Variants in SETBP1 observed in about 807,000 individuals in gnomAD.
SETBP1 encodes the protein SET binding protein 1, also known as SET-binding protein.
Under a neutral mutation model 101.0 loss-of-function variants are expected in SETBP1, and 9 were observed. That is an observed-to-expected ratio of 0.09 (90% confidence interval 0.05 to 0.16). SETBP1 has a LOEUF of 0.16. Ranked by LOEUF, SETBP1 falls within the 10% of genes least tolerant of loss-of-function variation. The probability of loss-of-function intolerance (pLI) is 1.00; values close to 1 mark genes in which losing one functional copy is unlikely to be tolerated. For synonymous variants in SETBP1, 818 were observed against 788.5 expected, an observed-to-expected ratio of 1.04 and a Z score of -0.63; for missense variants, 1,858 against 2,033.8, an observed-to-expected ratio of 0.91 and a Z score of 1.66.
At chr18:44,994,328 C>A (rs965453865) in intron 4 of SETBP1, among the ~76,000 whole-genome samples, 1 of 151,974 alleles carries the variant, frequency 6.6e-6, no homozygotes, top group Non-Finnish European at 1.5e-5. Flanking sequence ...TCAGGAAAAT[C>A]CAAATTAAAG....
In SETBP1 at chr18:45,022,186, A is replaced by G. The variant is rs116690946; in HGVS notation, c.4001-16299A>G. On this transcript the variant is annotated intron_variant, in intron 4 of 5. Coordinates refer to ENST00000649279, the MANE Select transcript of SETBP1 (RefSeq NM_015559.3). ...CTACATAGACATCCTTCATGACTCC[A>G]TATGACCCACAGGTGAAATTCAAAC... is the stretch of plus-strand genomic sequence containing the variant. Among the ~76,000 whole-genome samples, 264 of 152,268 alleles carry G rather than the reference A, an allele frequency of 1.7e-3. 2 individuals carry two copies. Among genetic ancestry groups the G allele is most frequent in the African/African-American group, 6.2e-3 (256 of 41,546 alleles).
At chr18:44,954,951 T>C (rs1022562680) in intron 4 of SETBP1, among the ~76,000 whole-genome samples, 1 of 152,222 alleles carries the variant, frequency 6.6e-6, no homozygotes, top group African/African-American at 2.4e-5. Flanking sequence ...GAAGATGTTC[T>C]TATTTTTGTA....
intron 2 of SETBP1, among the ~76,000 whole-genome samples, chr18:44,719,945 G>A (rs2069549567): frequency 6.6e-6 from 1 of 152,194 alleles, no homozygotes; most frequent in Non-Finnish European, 1.5e-5. Context: ...GTGAGAAGAT[G>A]TCAAATCTGG....
At chr18:44,861,262 G>A (rs866098114) in intron 2 of SETBP1, among the ~76,000 whole-genome samples, 75 of 113,958 alleles carry the variant, frequency 6.6e-4, no homozygotes, top group African/African-American at 2.5e-3. Flanking sequence ...TTTTTGAGAC[G>A]GAATCTTGCT....
chr18:45,045,005 C>G (rs2073581027), intron 5 of SETBP1, among the ~76,000 whole-genome samples: 1 of 152,246 alleles, frequency 6.6e-6, no homozygotes, highest in East Asian at 1.9e-4. Context: ...GCAGATTGGC[C>G]AGGTGCGGTG....
At chr18:44,847,261 A>G (rs902830528) in intron 2 of SETBP1, among the ~76,000 whole-genome samples, 8 of 152,180 alleles carry the variant, frequency 5.3e-5, no homozygotes, top group Admixed American at 1.3e-4. Flanking sequence ...CTGTTTTCCA[A>G]TGGAGCCAGT....
intron 4 of SETBP1, among the ~76,000 whole-genome samples, chr18:44,970,400 T>C (rs959935558): frequency 1.3e-5 from 2 of 152,244 alleles, no homozygotes; most frequent in Non-Finnish European, 2.9e-5. Flanking sequence ...GCCTGACTCA[T>C]AGAAAATATA....
At chr18:44,966,123 A>T (rs2071715940) in intron 4 of SETBP1, among the ~76,000 whole-genome samples, 2 of 152,246 alleles carry the variant, frequency 1.3e-5, no homozygotes, top group South Asian at 4.1e-4. Context: ...TGGAACGCCT[A>T]TGAAGGCAGC....
chr18:44,840,324 C>A (rs996394372), intron 2 of SETBP1, among the ~76,000 whole-genome samples: 1 of 152,200 alleles, frequency 6.6e-6, no homozygotes, highest in Admixed American at 6.5e-5. Context: ...GCATGACTAC[C>A]CTTGCTAGAT....
At chr18:45,030,710 A>C (rs1193265910) in intron 4 of SETBP1, among the ~76,000 whole-genome samples, 1 of 148,604 alleles carries the variant, frequency 6.7e-6, no homozygotes, top group African/African-American at 2.6e-5. Flanking sequence ...GTCTATTCAG[A>C]GATTCAGCTT....
Position 45,038,587 on chromosome 18 carries a change from A to G in SETBP1, c.4103A>G (p.Asp1368Gly), listed in dbSNP as rs2073446941. 6.2e-7 allele frequency: 1 copy of G among 1,614,080 alleles called. No homozygotes were observed. The highest frequency in any genetic ancestry group is 8.5e-7 in the Non-Finnish European group (1 of 1,180,042). Reference protein sequence around the residue: ...MMTRKKPAAVDSVTIPPAPVL... With the variant: ...MMTRKKPAAVGSVTIPPAPVL... ...ACCAGGAAGAAGCCAGCCGCAGTTG[A>G]CAGTGTTACAATTCCACCAGCCCCA... The change falls in exon 5 of 6, where the codon GAC becomes GGC. Residue 1368 changes from aspartate to glycine, a missense_variant. Physicochemically the swap from Asp to Gly is moderately conservative, Grantham distance 94. Transcript: ENST00000649279.
chr18:45,022,825 A>C (rs1425627535), intron 4 of SETBP1, among the ~76,000 whole-genome samples: 2 of 152,218 alleles, frequency 1.3e-5, no homozygotes, highest in Non-Finnish European at 2.9e-5. Flanking sequence ...GCGAGACTCC[A>C]TCTCAAAAAA....
At chr18:44,949,818 C>A in intron 3 of SETBP1, 63 bp from the exon 4 acceptor site, 1 of 1,315,400 alleles carries the variant, frequency 7.6e-7, no homozygotes, top group Non-Finnish European at 1.1e-6. Context: ...TAAGTAGCTT[C>A]AACATGCTCA....
rs1321349435 is a variant in SETBP1, at chr18:45,030,501, G to T, written c.4001-7984G>T. ...TTTGGTTGTGTCTCTGCCAGGCTTT[G>T]GTATCAGGATGATGCTGGCCTCTTA... is the stretch of plus-strand genomic sequence containing the variant. On this transcript the variant is annotated intron_variant, in intron 4 of 5. Coordinates refer to ENST00000649279, the MANE Select transcript of SETBP1 (RefSeq NM_015559.3). 6.5e-5 allele frequency among the ~76,000 whole-genome samples: 9 copies of T among 138,912 alleles called. No homozygotes were observed. In the Admixed American group the frequency reaches 6.6e-4, roughly 10 times the overall value. 91.1% of individuals were successfully genotyped at this position (138,912 alleles called of 152,430 possible). A position where few individuals can be genotyped will look rare whatever the true frequency, so the allele number is the denominator to read the frequency against.
chr18:44,788,106 T>G (rs921917657), intron 2 of SETBP1, among the ~76,000 whole-genome samples: 8 of 151,722 alleles, frequency 5.3e-5, no homozygotes, highest in Non-Finnish European at 2.9e-5. Context: ...GAAAAATTTC[T>G]CAAGTGATTG....
At chr18:44,770,106 G>A (rs2070841573) in intron 2 of SETBP1, among the ~76,000 whole-genome samples, 1 of 152,184 alleles carries the variant, frequency 6.6e-6, no homozygotes, top group African/African-American at 2.4e-5. Context: ...ATCAAACACA[G>A]AATGCAAATT....
chr18:44,944,638 C>T (rs1481652896), intron 3 of SETBP1, among the ~76,000 whole-genome samples: 2 of 152,202 alleles, frequency 1.3e-5, no homozygotes, highest in African/African-American at 2.4e-5. Context: ...CTCATTGCTC[C>T]ATACCCAGGC....
intron 2 of SETBP1, among the ~76,000 whole-genome samples, chr18:44,707,862 T>C (rs934046109): frequency 6.6e-6 from 1 of 152,194 alleles, no homozygotes. Context: ...GGGAACTTGC[T>C]GAGAGTGACT....
chr18:44,865,809 G>A (rs914435770), intron 2 of SETBP1, among the ~76,000 whole-genome samples: 4 of 152,142 alleles, frequency 2.6e-5, no homozygotes, highest in South Asian at 2.1e-4. Context: ...TGTACATACC[G>A]TTTTTTCAGG....
Sources: allele counts gnomAD v4.1 joint callset (sites outside exome capture counted in the v4.1 genomes callset), GRCh38; gene constraint gnomAD v4.1.1; transcripts MANE v1.5; gene names NCBI Gene and HGNC (gene_info 2026-07-23, HGNC 2026-07-21).